Variants in HLCS observed in about 807,000 individuals in gnomAD.
The protein encoded by HLCS is holocarboxylase synthetase, also known as biotin--protein ligase.
Under a neutral mutation model 75.0 loss-of-function variants are expected in HLCS, and 53 were observed. That is an observed-to-expected ratio of 0.71 (90% CI 0.57 to 0.89). The LOEUF is 0.89. Ranked by LOEUF, HLCS falls within the 40% of genes least tolerant of loss-of-function variation. The pLI is 0.00. For synonymous variants in HLCS, 431 were observed against 428.6 expected, an observed-to-expected ratio of 1.01 and a Z score of -0.07; for missense variants, 966 against 1,074.0, an observed-to-expected ratio of 0.90 and a Z score of 1.41.
chr21:36,908,013 G>A (rs906776143), intron 5 of HLCS, among the ~76,000 whole-genome samples: 1 of 151,658 alleles, frequency 6.6e-6, no homozygotes, highest in Non-Finnish European at 1.5e-5. Context: ...GGCCTGCAAT[G>A]AGCTGTGAGC....
rs2065040496 is a variant in HLCS at position 36,897,024 on chromosome 21, T to G, written c.1728A>C (p.Glu576Asp). Reference sequence around the variant, plus strand: ...GTATACAAGATGGGGTTATTTCTACTTCAGACACGTAGGATGAAACAAATC... The same window carrying G: ...GTATACAAGATGGGGTTATTTCTACGTCAGACACGTAGGATGAAACAAATC... ...SLRFVSSYVSEVEITPSCIPV... is the reference protein window; with the variant it reads ...SLRFVSSYVSDVEITPSCIPV... Residue 576 changes from glutamate to aspartate, a missense_variant, in exon 6 of 11, where the codon GAA becomes GAC. By Grantham distance (45) the Glu-to-Asp change is conservative. Transcript: ENST00000674895. 1 of 1,614,196 alleles carries G rather than the reference T, an allele frequency of 6.2e-7. No homozygotes were observed.
At chr21:36,918,668 G>T (rs2066033469) in intron 5 of HLCS, among the ~76,000 whole-genome samples, 1 of 152,244 alleles carries the variant, frequency 6.6e-6, no homozygotes, top group Non-Finnish European at 1.5e-5. Flanking sequence ...TTCTGAAAGA[G>T]TAAGAGTTGG....
At chr21:36,769,778 G>C (rs1323580126) in intron 6 of HLCS, among the ~76,000 whole-genome samples, 4 of 152,220 alleles carry the variant, frequency 2.6e-5, no homozygotes, top group African/African-American at 9.6e-5. Context: ...TCTGCCAATG[G>C]AACTGTCCTG....
intron 6 of HLCS, among the ~76,000 whole-genome samples, chr21:36,833,193 T>G (rs1424371786): frequency 1.3e-5 from 2 of 151,812 alleles, no homozygotes; most frequent in Non-Finnish European, 2.9e-5. Context: ...GCTAAATTTT[T>G]TTTTTTTTAA....
At chr21:36,802,835 C>CT (rs1176237031) in intron 6 of HLCS, among the ~76,000 whole-genome samples, 1 of 152,196 alleles carries the variant, frequency 6.6e-6, no homozygotes, top group Non-Finnish European at 1.5e-5. Context: ...TGAGAGCAGG[C>CT]TTTCACCAGT....
chr21:36,975,253 TC>T lies in HLCS; in HGVS notation c.-392-13084del, dbSNP rs1486197437. 2.0e-5 allele frequency: 3 copies of T among 152,398 alleles called. No individual in the cohort carries two copies. In the East Asian group the frequency reaches 5.8e-4, roughly 29 times the overall value. The allele number at this position is 152,398 out of a possible 1,614,324, so 9.4% of individuals were successfully genotyped here. A position where few individuals can be genotyped will look rare whatever the true frequency, so the allele number is the denominator to read the frequency against. ...GACCCAGAATTCATGCATCTTGGAG[TC>T]CCAACTTCTCCAGCCCCTGTGTCTT... On this transcript the variant is annotated intron_variant, in intron 1 of 11. Transcript: ENST00000336648.
chr21:36,799,888 T>C (rs139379205), intron 6 of HLCS, among the ~76,000 whole-genome samples: 5 of 152,160 alleles, frequency 3.3e-5, no homozygotes, highest in East Asian at 1.9e-4. Flanking sequence ...TTTGGAAAAA[T>C]AGAAATTCAG....
chr21:36,947,078 G>C (rs2067437866), intron 2 of HLCS, among the ~76,000 whole-genome samples: 1 of 152,156 alleles, frequency 6.6e-6, no homozygotes, highest in Non-Finnish European at 1.5e-5. Context: ...ATTGTCCTCA[G>C]AGCAATCAAA....
intron 6 of HLCS, among the ~76,000 whole-genome samples, chr21:36,867,142 T>C (rs758043588): frequency 6.6e-6 from 1 of 152,054 alleles, no homozygotes; most frequent in Non-Finnish European, 1.5e-5. Flanking sequence ...CCAGTTCCCA[T>C]AAAAGAGAAA....
intron 6 of HLCS, among the ~76,000 whole-genome samples, chr21:36,835,077 C>A (rs2062363200): frequency 6.6e-6 from 1 of 152,150 alleles, no homozygotes; most frequent in Non-Finnish European, 1.5e-5. Context: ...TCCCCAATGT[C>A]CTGGCCGGAC....
intron 7 of HLCS, 67 bp downstream of exon 7, chr21:36,767,151 C>T: frequency 6.6e-7 from 1 of 1,504,220 alleles, no homozygotes. Flanking sequence ...CAATGGGCTC[C>T]TGGGCCACAA....
rs145789794 is a variant in HLCS at position 36,882,373 on chromosome 21, C to T, written c.1892+14487G>A. Among the ~76,000 whole-genome samples the T allele has an allele frequency of 1.9e-3, 287 of 152,150 alleles. 1 individual carries two copies. Among genetic ancestry groups the T allele is most frequent in the African/African-American group, 6.7e-3 (279 of 41,518 alleles). On this transcript the variant is annotated intron_variant, in intron 6 of 10. Transcript: ENST00000674895. ...GAGAGGCTGAGTGATTCACCAACAT[C>T]GCACAAGCTGCTGTGTCAAAATGGC...
Position 36,752,280 on chromosome 21 carries a change from C to T in HLCS, c.*1966G>A, listed in dbSNP as rs1484259992. 6.6e-6 allele frequency: 1 copy of T among 152,634 alleles called. No homozygotes were observed. The highest frequency in any genetic ancestry group is 2.4e-5 in the African/African-American group (1 of 41,448). 9.5% of individuals were successfully genotyped at this position (152,634 alleles called of 1,614,324 possible). On this transcript the variant is annotated 3_prime_UTR_variant, in exon 11 of 11. Transcript: ENST00000674895. Reference sequence around the variant, plus strand: ...CATAGCCTTTGACAAGGCCACACTTCATTAGTTTTAATTTGCAGAAAGGAA... The same window carrying T: ...CATAGCCTTTGACAAGGCCACACTTTATTAGTTTTAATTTGCAGAAAGGAA...
intron 6 of HLCS, among the ~76,000 whole-genome samples, chr21:36,805,275 C>T (rs1448953522): frequency 6.6e-6 from 1 of 152,224 alleles, no homozygotes; most frequent in Admixed American, 6.5e-5. Context: ...TTAACCCTCA[C>T]TACTCCATCA....
intron 6 of HLCS, among the ~76,000 whole-genome samples, chr21:36,832,998 C>T (rs1443246947): frequency 7.9e-5 from 12 of 151,846 alleles, no homozygotes; most frequent in Admixed American, 7.9e-4. Flanking sequence ...GAAGGGAATA[C>T]CATGAGACAG....
chr21:36,802,084 G>A lies in HLCS; in HGVS notation c.1893-34799C>T, dbSNP rs146237712. On this transcript the variant is annotated intron_variant, in intron 6 of 10. Coordinates refer to ENST00000674895, the MANE Select transcript of HLCS (RefSeq NM_001352514.2). ...GCAAATAATATTCTCTTTCAAAATTGTGATTCATCGAGGCAGGCTAACATT... is the reference window on the plus strand; with the variant it reads ...GCAAATAATATTCTCTTTCAAAATTATGATTCATCGAGGCAGGCTAACATT... 6.5e-3 allele frequency among the ~76,000 whole-genome samples: 994 copies of A among 152,172 alleles called. 8 individuals are homozygous for A. Among genetic ancestry groups the A allele is most frequent in the African/African-American group, 0.023 (938 of 41,520 alleles).
At chr21:36,958,634 A>C (rs1369735995) in intron 2 of HLCS, among the ~76,000 whole-genome samples, 1 of 151,974 alleles carries the variant, frequency 6.6e-6, no homozygotes, top group East Asian at 1.9e-4. Context: ...GCTAAAATAC[A>C]AACAATTAGC....
intron 2 of HLCS, chr21:36,947,197 T>C (rs2067445802): frequency 3.8e-6 from 1 of 264,670 alleles, no homozygotes; most frequent in Non-Finnish European, 5.9e-6. Flanking sequence ...AAGGAGCCAA[T>C]GATGAAATTC....
intron 6 of HLCS, among the ~76,000 whole-genome samples, chr21:36,781,567 TATA>T (rs984806950): frequency 1.1e-4 from 17 of 152,226 alleles, no homozygotes; most frequent in South Asian, 2.1e-4. Context: ...TTGATTTCTG[TATA>T]ATAATTTTAT....
Sources: allele counts gnomAD v4.1 joint callset (sites outside exome capture counted in the v4.1 genomes callset), GRCh38; gene constraint gnomAD v4.1.1; transcripts MANE v1.5; gene names NCBI Gene and HGNC (gene_info 2026-07-23, HGNC 2026-07-21).